Variants in PRICKLE2 observed in about 807,000 individuals in gnomAD.
PRICKLE2 encodes prickle planar cell polarity protein 2, also known as prickle-like protein 2.
Under a neutral mutation model 81.4 loss-of-function variants are expected in PRICKLE2, and 21 were observed. The ratio of observed to expected loss-of-function variants is 0.26; its 90% confidence interval spans 0.18 to 0.37. The LOEUF (loss-of-function observed/expected upper bound fraction) is 0.37. Ranked by LOEUF, PRICKLE2 falls within the 10% of genes least tolerant of loss-of-function variation. The probability of loss-of-function intolerance (pLI) is 1.00; values close to 1 mark genes in which losing one functional copy is unlikely to be tolerated. For synonymous variants in PRICKLE2, 456 were observed against 421.5 expected, an observed-to-expected ratio of 1.08 and a Z score of -1.00; for missense variants, 940 against 1,109.0, an observed-to-expected ratio of 0.85 and a Z score of 2.16.
chr3:64,156,763 G>C (rs10510916), intron 5 of PRICKLE2, among the ~76,000 whole-genome samples: 32,901 of 151,978 alleles, frequency 0.22, 3,934 homozygotes, highest in Non-Finnish European at 0.26. Context: ...GTGAATCTTG[G>C]AAAATGAAAC....
chr3:64,160,160 T>A lies in PRICKLE2; in HGVS notation c.259-83A>T, dbSNP rs1028337591. The A allele has an allele frequency of 9.7e-5, 140 of 1,439,770 alleles. No homozygotes were observed. In the African/African-American group the frequency reaches 1.7e-3, roughly 17 times the overall value. The allele number at this position is 1,439,770 out of a possible 1,614,324, so 89.2% of individuals were successfully genotyped here. On this transcript the variant is annotated intron_variant, in intron 3 of 7. Coordinates refer to ENST00000638394, the MANE Select transcript of PRICKLE2 (RefSeq NM_198859.4). ...AAGCCCATGACTCTGAGTTTTCTCG[T>A]TAAATACACTCTCATTTGGTTTTAT...
At chr3:64,154,409 G>A (rs914960237) in intron 5 of PRICKLE2, 9 of 152,026 alleles carry the variant, frequency 5.9e-5, no homozygotes, top group African/African-American at 2.2e-4. Context: ...AGCCAGGTGT[G>A]GTGGCGGGCA....
intron 1 of PRICKLE2, among the ~76,000 whole-genome samples, chr3:64,210,428 A>G (rs2078766224): frequency 6.6e-6 from 1 of 152,140 alleles, no homozygotes; most frequent in Non-Finnish European, 1.5e-5. Flanking sequence ...TAAACACAGA[A>G]GCTCAAGGGC....
intron 7 of PRICKLE2, among the ~76,000 whole-genome samples, chr3:64,127,408 T>C (rs142813457): frequency 1.5e-4 from 23 of 152,262 alleles, no homozygotes; most frequent in African/African-American, 5.5e-4. Flanking sequence ...TGGTATTTAA[T>C]GAGAGGTACC....
At chr3:64,165,018 C>T (rs2077804688) in intron 2 of PRICKLE2, among the ~76,000 whole-genome samples, 1 of 152,176 alleles carries the variant, frequency 6.6e-6, no homozygotes, top group Admixed American at 6.5e-5. Flanking sequence ...GTAGAAAGGC[C>T]TTGTTCCATC....
chr3:64,204,097 C>A (rs2078638829), intron 1 of PRICKLE2, among the ~76,000 whole-genome samples: 1 of 152,186 alleles, frequency 6.6e-6, no homozygotes, highest in Non-Finnish European at 1.5e-5. Flanking sequence ...TACTTGGGTA[C>A]CCAACCAAGA....
chr3:64,262,886 G>C (rs147329822), intron 2 of PRICKLE2, among the ~76,000 whole-genome samples: 16 of 152,282 alleles, frequency 1.1e-4, no homozygotes, highest in Non-Finnish European at 2.2e-4. Flanking sequence ...TAAATGACTT[G>C]TCCCATTGCT....
chr3:64,170,935 T>C (rs2077919464), intron 2 of PRICKLE2, among the ~76,000 whole-genome samples: 1 of 152,126 alleles, frequency 6.6e-6, no homozygotes, highest in Non-Finnish European at 1.5e-5. Flanking sequence ...ACAACAACCC[T>C]GGATTATCTC....
chr3:64,109,153 C>T (rs190425541), intron 7 of PRICKLE2, among the ~76,000 whole-genome samples: 11 of 152,234 alleles, frequency 7.2e-5, no homozygotes, highest in African/African-American at 2.4e-4. Context: ...AGCCTCGTCA[C>T]GATGGGGGTT....
intron 2 of PRICKLE2, among the ~76,000 whole-genome samples, chr3:64,189,984 G>A (rs1468911283): frequency 6.6e-6 from 1 of 152,178 alleles, no homozygotes; most frequent in East Asian, 1.9e-4. Context: ...GGATGTCTTG[G>A]CAAGCACCGA....
intron 2 of PRICKLE2, among the ~76,000 whole-genome samples, chr3:64,192,666 C>G (rs946583333): frequency 1.3e-5 from 2 of 152,164 alleles, no homozygotes; most frequent in African/African-American, 4.8e-5. Context: ...TTCTATTTTA[C>G]CACTTATGAG....
upstream of PRICKLE2, among the ~76,000 whole-genome samples, chr3:64,228,409 C>T (rs931432899): frequency 6.6e-6 from 1 of 152,168 alleles, no homozygotes. Flanking sequence ...TCTGTGAGCT[C>T]AGCTTGGTGA....
chr3:64,211,488 G>A (rs1018159159), intron 1 of PRICKLE2, among the ~76,000 whole-genome samples: 3 of 152,178 alleles, frequency 2.0e-5, no homozygotes, highest in African/African-American at 7.2e-5. Context: ...ACAGATAAGG[G>A]ATGATGTTTG....
chr3:64,190,784 C>T (rs565071831), intron 2 of PRICKLE2, among the ~76,000 whole-genome samples: 9 of 152,330 alleles, frequency 5.9e-5, no homozygotes, highest in Non-Finnish European at 1.3e-4. Flanking sequence ...CCTGTTGATC[C>T]CCTAAGAGAG....
intron 6 of PRICKLE2, among the ~76,000 whole-genome samples, chr3:64,152,384 C>G (rs1369332281): frequency 6.6e-6 from 1 of 152,062 alleles, no homozygotes; most frequent in Non-Finnish European, 1.5e-5. Flanking sequence ...AATGAAGAAG[C>G]CACAATGCAG....
At chr3:64,246,241 CA>C (rs1318493285) in intron 2 of PRICKLE2, among the ~76,000 whole-genome samples, 1 of 151,886 alleles carries the variant, frequency 6.6e-6, no homozygotes, top group Non-Finnish European at 1.5e-5. Context: ...GACTCCATCT[CA>C]AAAAAACAAA....
chr3:64,185,832 G>A (rs1010181585), intron 2 of PRICKLE2, among the ~76,000 whole-genome samples: 1 of 152,174 alleles, frequency 6.6e-6, no homozygotes, highest in Admixed American at 6.6e-5. Context: ...AATTTGGTAA[G>A]TTCCAACATA....
chr3:64,110,275 T>C (rs1384204608), intron 7 of PRICKLE2, among the ~76,000 whole-genome samples: 1 of 152,230 alleles, frequency 6.6e-6, no homozygotes, highest in Non-Finnish European at 1.5e-5. Context: ...CTGTATTTAC[T>C]TGGGAAACAC....
intron 7 of PRICKLE2, among the ~76,000 whole-genome samples, chr3:64,123,766 C>T (rs2106972078): frequency 6.6e-6 from 1 of 152,266 alleles, no homozygotes; most frequent in Non-Finnish European, 1.5e-5. Flanking sequence ...TAAATAATAT[C>T]ATTAAATGTT....
Sources: gnomAD v4.1 joint callset for allele counts (sites outside exome capture counted in the v4.1 genomes callset) on GRCh38, gnomAD v4.1.1 for gene constraint, MANE v1.5 for transcripts, NCBI Gene and HGNC (gene_info 2026-07-23, HGNC 2026-07-21) for gene names.